Variants in KLHL2 observed in about 807,000 individuals in gnomAD.
KLHL2 encodes kelch-like protein 2.
Under a neutral mutation model 75.8 loss-of-function variants are expected in KLHL2, and 15 were observed. That is an observed-to-expected ratio of 0.20 (90% CI 0.13 to 0.30). The LOEUF (loss-of-function observed/expected upper bound fraction) is 0.30. KLHL2 is among the 10% of genes least tolerant of loss of function. The pLI, the probability that KLHL2 is intolerant of heterozygous loss-of-function variation, is 1.00. For synonymous variants in KLHL2, 214 were observed against 251.9 expected (o/e 0.85, Z 1.42); for missense variants, 381 against 741.0 (o/e 0.51, Z 5.64).
intron 6 of KLHL2, among the ~76,000 whole-genome samples, chr4:165,294,859 C>T (rs1458907842): frequency 6.6e-6 from 1 of 152,210 alleles, no homozygotes; most frequent in African/African-American, 2.4e-5. Context: ...ATATTTGTCA[C>T]TAAATTAGTT....
intron 4 of KLHL2, among the ~76,000 whole-genome samples, chr4:165,252,263 G>A (rs950628392): frequency 6.6e-6 from 1 of 151,680 alleles, no homozygotes; most frequent in African/African-American, 2.4e-5. Context: ...GTTTAGGTAT[G>A]GAGCCTGTGT....
chr4:165,307,386 G>C (rs1213246540), intron 9 of KLHL2, among the ~76,000 whole-genome samples: 1 of 152,164 alleles, frequency 6.6e-6, no homozygotes, highest in Non-Finnish European at 1.5e-5. Context: ...TGCAAAGATA[G>C]AACAAAGAAT....
At chr4:165,240,210 A>G (rs1739706024) in intron 4 of KLHL2, 1 of 152,240 alleles carries the variant, frequency 6.6e-6, no homozygotes, top group African/African-American at 2.4e-5. Context: ...TTTGAGGACA[A>G]CAAAAATAAC....
chr4:165,256,882 G>A (rs1741221484), intron 4 of KLHL2, among the ~76,000 whole-genome samples: 2 of 152,248 alleles, frequency 1.3e-5, no homozygotes, highest in Middle Eastern at 3.4e-3. Context: ...GGGTCATACT[G>A]TAGATTCTTT....
intron 2 of KLHL2, chr4:165,223,888 G>C (rs1405516715): frequency 2.3e-6 from 1 of 435,778 alleles, no homozygotes; most frequent in East Asian, 7.3e-5. Flanking sequence ...AGAGGGGACA[G>C]AGAAGCAGAC....
chr4:165,231,270 G>GA (rs1445037165), intron 3 of KLHL2, among the ~76,000 whole-genome samples: 2 of 152,120 alleles, frequency 1.3e-5, no homozygotes, highest in Admixed American at 1.3e-4. Flanking sequence ...GCCACATGGT[G>GA]AAAACCCATC....
At chr4:165,290,218 C>T (rs1352591797) in intron 5 of KLHL2, among the ~76,000 whole-genome samples, 3 of 152,052 alleles carry the variant, frequency 2.0e-5, no homozygotes, top group Admixed American at 1.3e-4. Context: ...TCATGGCTCA[C>T]TGTAGCCTTG....
At chr4:165,313,022 A>T (rs1410046885) in intron 11 of KLHL2, among the ~76,000 whole-genome samples, 1 of 152,226 alleles carries the variant, frequency 6.6e-6, no homozygotes, top group Non-Finnish European at 1.5e-5. Context: ...TAACATCATC[A>T]GCTATACCCT....
intron 4 of KLHL2, among the ~76,000 whole-genome samples, chr4:165,249,094 T>C (rs1300226550): frequency 6.6e-6 from 1 of 152,240 alleles, no homozygotes; most frequent in Non-Finnish European, 1.5e-5. Context: ...TGCTGGCTCA[T>C]GGTGCAATTC....
At chr4:165,222,251 T>G (rs534670662) in intron 2 of KLHL2, among the ~76,000 whole-genome samples, 11 of 152,322 alleles carry the variant, frequency 7.2e-5, no homozygotes, top group African/African-American at 2.6e-4. Context: ...ATGGACAGGA[T>G]GGTGTCTAAG....
At chr4:165,208,169 G>GTGCA (rs1736961931) in intron 1 of KLHL2, among the ~76,000 whole-genome samples, 1 of 152,050 alleles carries the variant, frequency 6.6e-6, no homozygotes, top group African/African-American at 2.4e-5. Flanking sequence ...GGGTGGGGCT[G>GTGCA]TGCATGGGTG....
chr4:165,220,143 C>G (rs1019327430), intron 2 of KLHL2, 84 bp downstream of exon 2: 1 of 1,522,606 alleles, frequency 6.6e-7, no homozygotes, highest in African/African-American at 1.4e-5. Flanking sequence ...AATCAACCTT[C>G]CATTGTTGCT....
At chr4:165,265,116 C>G (rs949716220) in intron 5 of KLHL2, among the ~76,000 whole-genome samples, 27 of 151,984 alleles carry the variant, frequency 1.8e-4, no homozygotes, top group Non-Finnish European at 3.4e-4. Flanking sequence ...TTGCATTTTC[C>G]TGATGATTAG....
At chr4:165,245,781 A>T (rs575657762) in intron 4 of KLHL2, among the ~76,000 whole-genome samples, 66 of 152,332 alleles carry the variant, frequency 4.3e-4, no homozygotes, top group South Asian at 8.3e-4. Context: ...CAGATCAGGT[A>T]TGGATGAAGA....
At chr4:165,280,928 G>A (rs1743619104) in intron 5 of KLHL2, among the ~76,000 whole-genome samples, 1 of 152,130 alleles carries the variant, frequency 6.6e-6, no homozygotes, top group African/African-American at 2.4e-5. Context: ...TAATGTTATA[G>A]GAAATCTTAG....
intron 5 of KLHL2, among the ~76,000 whole-genome samples, chr4:165,289,194 A>C (rs1744317573): frequency 6.6e-6 from 1 of 152,202 alleles, no homozygotes; most frequent in Admixed American, 6.5e-5. Flanking sequence ...AGAAATATAC[A>C]GTTAATATAA....
intron 4 of KLHL2, among the ~76,000 whole-genome samples, chr4:165,244,254 C>A (rs1380427112): frequency 6.6e-6 from 1 of 152,196 alleles, no homozygotes; most frequent in Non-Finnish European, 1.5e-5. Context: ...TTTACATTCA[C>A]ATTTCATTGA....
intron 9 of KLHL2, 25 bp from the exon 10 acceptor site, chr4:165,310,528 A>G (rs1746078296): frequency 2.5e-6 from 4 of 1,606,664 alleles, no homozygotes; most frequent in Non-Finnish European, 2.6e-6. Context: ...CATGTTGATC[A>G]TTAAATGCTG....
intron 1 of KLHL2, among the ~76,000 whole-genome samples, chr4:165,208,894 C>T (rs937726902): frequency 2.0e-5 from 3 of 152,158 alleles, no homozygotes; most frequent in East Asian, 3.9e-4. Context: ...TCACTCCATG[C>T]CGATTGTACC....
Sources: gnomAD v4.1 joint callset for allele counts (sites outside exome capture counted in the v4.1 genomes callset) on GRCh38, gnomAD v4.1.1 for gene constraint, MANE v1.5 for transcripts, NCBI Gene and HGNC (gene_info 2026-07-23, HGNC 2026-07-21) for gene names.